Variants in ATXN7L1 observed in about 807,000 individuals in gnomAD.
The protein encoded by ATXN7L1 is ataxin-7-like protein 1.
In ATXN7L1, 15 loss-of-function variants were observed where a neutral mutation model predicts 70.8. The observed-to-expected ratio is 0.21, with a 90% CI of 0.14 to 0.33. ATXN7L1 has a LOEUF of 0.33. Ranked by LOEUF, ATXN7L1 falls within the 10% of genes least tolerant of loss-of-function variation. The pLI is 1.00. For synonymous variants in ATXN7L1, 440 were observed against 445.1 expected (o/e 0.99, Z 0.14); for missense variants, 975 against 1,097.1 (o/e 0.89, Z 1.57).
chr7:105,811,300 T>A (rs1413584908), intron 2 of ATXN7L1, among the ~76,000 whole-genome samples: 1 of 152,034 alleles, frequency 6.6e-6, no homozygotes, highest in Non-Finnish European at 1.5e-5. Context: ...CTATAAGACA[T>A]GGAAAGCCAA....
At chr7:105,844,022 C>T (rs779486792) in intron 2 of ATXN7L1, among the ~76,000 whole-genome samples, 3 of 152,190 alleles carry the variant, frequency 2.0e-5, no homozygotes, top group Non-Finnish European at 4.4e-5. Flanking sequence ...ATTCACATGG[C>T]TGGCATCTGA....
At chr7:105,836,356 A>G (rs1319627726) in intron 2 of ATXN7L1, among the ~76,000 whole-genome samples, 1 of 152,200 alleles carries the variant, frequency 6.6e-6, no homozygotes, top group African/African-American at 2.4e-5. Flanking sequence ...AGGGTCACCC[A>G]AACAACCAAA....
Position 105,614,144 on chromosome 7 carries a change from C to T in ATXN7L1, c.2190G>A (p.Val730=). 1.9e-6 allele frequency: 3 copies of T among 1,551,702 alleles called. No homozygotes were observed. Among genetic ancestry groups the T allele is most frequent in the Non-Finnish European group, 2.6e-6 (3 of 1,146,992 alleles). ...TSLPGGPADI[V]RQVGAVGGSS... Reference sequence around the variant, plus strand: ...TGCCTCCCACCGCGCCCACCTGTCTCACTATGTCCGCGGGGCCGCCGGGCA... The same window carrying T: ...TGCCTCCCACCGCGCCCACCTGTCTTACTATGTCCGCGGGGCCGCCGGGCA... Residue 730 remains valine (V), a synonymous_variant, in exon 10 of 12, where the codon GTG becomes GTA. Coordinates refer to ENST00000419735, the MANE Select transcript of ATXN7L1 (RefSeq NM_020725.2). This position sits in a 1 kb window ranked among gnomAD's most constrained non-coding sequence, Gnocchi z 4.3.
At chr7:105,815,446 A>G (rs1172548516) in intron 2 of ATXN7L1, among the ~76,000 whole-genome samples, 3 of 152,240 alleles carry the variant, frequency 2.0e-5, no homozygotes, top group Non-Finnish European at 2.9e-5. Context: ...GGTTGCATCA[A>G]GGACTCAGAA....
chr7:105,863,866 A>C (rs774582313), intron 2 of ATXN7L1, among the ~76,000 whole-genome samples: 2 of 152,200 alleles, frequency 1.3e-5, no homozygotes, highest in African/African-American at 4.8e-5. Context: ...AAAACAAAAC[A>C]AAACAAACAA....
chr7:105,692,796 G>A (rs1410437733), intron 3 of ATXN7L1, among the ~76,000 whole-genome samples: 1 of 152,050 alleles, frequency 6.6e-6, no homozygotes, highest in Admixed American at 6.5e-5. Flanking sequence ...GAAGTGCAGT[G>A]GTGCCATCAG....
chr7:105,786,246 T>C (rs1010309283), intron 3 of ATXN7L1, among the ~76,000 whole-genome samples: 2 of 152,176 alleles, frequency 1.3e-5, no homozygotes, highest in African/African-American at 4.8e-5. Flanking sequence ...ACCCCCAAAC[T>C]AATTTACTGC....
chr7:105,729,085 G>A (rs1414251263), intron 3 of ATXN7L1, among the ~76,000 whole-genome samples: 1 of 152,032 alleles, frequency 6.6e-6, no homozygotes, highest in Non-Finnish European at 1.5e-5. Context: ...GAAACACAGT[G>A]AGACCCATCT....
chr7:105,643,815 A>G (rs1425514925), intron 4 of ATXN7L1, among the ~76,000 whole-genome samples: 2 of 152,266 alleles, frequency 1.3e-5, no homozygotes, highest in Non-Finnish European at 2.9e-5. Context: ...AAGAAGGCAG[A>G]GCACAAAGGT....
At chr7:105,804,822 T>G (rs925010249) in intron 2 of ATXN7L1, among the ~76,000 whole-genome samples, 1 of 152,144 alleles carries the variant, frequency 6.6e-6, no homozygotes, top group East Asian at 1.9e-4. Context: ...AGCTATTGGC[T>G]CCCAGTCTCA....
intron 3 of ATXN7L1, among the ~76,000 whole-genome samples, chr7:105,728,137 A>G (rs991848888): frequency 1.3e-5 from 2 of 152,168 alleles, no homozygotes; most frequent in African/African-American, 2.4e-5. Context: ...AGATCTTAGG[A>G]ATGAATGCAG....
chr7:105,660,185 C>T (rs2022052), intron 4 of ATXN7L1, among the ~76,000 whole-genome samples: 7 of 152,136 alleles, frequency 4.6e-5, no homozygotes, highest in Non-Finnish European at 7.3e-5. Context: ...ACACAACATC[C>T]TCACCGTTCT....
chr7:105,788,771 T>C, intron 2 of ATXN7L1, 63 bp from the exon 3 acceptor site: 3 of 1,325,090 alleles, frequency 2.3e-6, no homozygotes, highest in Non-Finnish European at 3.2e-6. Flanking sequence ...AGGTGTACAG[T>C]TTCCTCTTGG....
At chr7:105,708,634 A>C (rs1447923289) in intron 3 of ATXN7L1, among the ~76,000 whole-genome samples, 1 of 152,246 alleles carries the variant, frequency 6.6e-6, no homozygotes, top group Admixed American at 6.5e-5. Flanking sequence ...TGAGGTGTTA[A>C]GTTCCTTCCT....
At chr7:105,865,904 A>C (rs969956946) in intron 2 of ATXN7L1, among the ~76,000 whole-genome samples, 5 of 152,190 alleles carry the variant, frequency 3.3e-5, no homozygotes, top group African/African-American at 1.2e-4. Flanking sequence ...TATGAATCTG[A>C]CTACTCTAGG....
intron 3 of ATXN7L1, among the ~76,000 whole-genome samples, chr7:105,719,290 C>T (rs1794921337): frequency 6.6e-6 from 1 of 152,174 alleles, no homozygotes; most frequent in Non-Finnish European, 1.5e-5. Flanking sequence ...CACATTCAGT[C>T]TGGGAGGCTC....
At chr7:105,628,006 G>A (rs140815470) in intron 7 of ATXN7L1, among the ~76,000 whole-genome samples, 13,185 of 148,526 alleles carry the variant, frequency 0.089, 629 homozygotes, top group Middle Eastern at 0.16. Flanking sequence ...CACCATGCCC[G>A]GCTAATTTTT....
intron 3 of ATXN7L1, among the ~76,000 whole-genome samples, chr7:105,693,185 A>T (rs1190868053): frequency 6.6e-6 from 1 of 151,740 alleles, no homozygotes; most frequent in Non-Finnish European, 1.5e-5. Flanking sequence ...TAAGAGTGAG[A>T]AATTTTTTTT....
chr7:105,614,109 G>A lies in ATXN7L1; in HGVS notation c.2225C>T (p.Ser742Phe), dbSNP rs1338449133. Residue 742 changes from serine to phenylalanine, a missense_variant, in exon 10 of 12, where the codon TCC becomes TTC. Coordinates refer to ENST00000419735, the MANE Select transcript of ATXN7L1 (RefSeq NM_020725.2). The surrounding 1 kb of genome is among the most constrained non-coding windows in gnomAD (Gnocchi z 4.3). ...QVGAVGGSSD[S>F]CPLSVPSLAL... is the part of the protein sequence containing the mutation. ...AAGGGAGGGCACAGAGAGGGGACAGGAGTCACTGCTGCCTCCCACCGCGCC... is the reference window on the plus strand; with the variant it reads ...AAGGGAGGGCACAGAGAGGGGACAGAAGTCACTGCTGCCTCCCACCGCGCC... 3.0e-5 allele frequency: 47 copies of A among 1,551,486 alleles called. No homozygotes were observed. Among genetic ancestry groups the A allele is most frequent in the Non-Finnish European group, 4.0e-5 (46 of 1,146,982 alleles).
Sources: allele counts gnomAD v4.1 joint callset (sites outside exome capture counted in the v4.1 genomes callset), GRCh38; gene constraint gnomAD v4.1.1; non-coding constraint Gnocchi (gnomAD v3.1); transcripts MANE v1.5; gene names NCBI Gene and HGNC (gene_info 2026-07-23, HGNC 2026-07-21).